Variants in ESR1 observed in about 807,000 individuals in gnomAD.
ESR1 encodes estrogen receptor.
Under a neutral mutation model 52.7 loss-of-function variants are expected in ESR1, and 12 were observed. That is an observed-to-expected ratio of 0.23 (90% confidence interval 0.15 to 0.37). The LOEUF is 0.37. ESR1 is among the 10% of genes least tolerant of loss of function. The pLI, the probability that ESR1 is intolerant of heterozygous loss-of-function variation, is 1.00. For missense variants in ESR1, 584 were observed against 779.7 expected (o/e 0.75, Z 2.99); for synonymous variants, 305 against 316.8 (o/e 0.96, Z 0.39).
At chr6:151,960,306 G>A (rs1211152773) in intron 4 of ESR1, among the ~76,000 whole-genome samples, 1 of 152,142 alleles carries the variant, frequency 6.6e-6, no homozygotes, top group Non-Finnish European at 1.5e-5. Context: ...CAAACATGGT[G>A]GACAACTTAA....
rs1326260684 is a variant in ESR1 at position 151,853,226 on chromosome 6, A to G, written c.643+10439A>G. Among the ~76,000 whole-genome samples, 3 of 151,532 alleles carry G rather than the reference A, an allele frequency of 2.0e-5. 1 individual carries two copies. In the South Asian group the frequency reaches 6.2e-4, roughly 32 times the overall value. ...GAAAGAAAGAAAGAAGGAAAAAGAA[A>G]GAAAGAGAAAGAAAGGCGGGCATTA... On this transcript the variant is annotated intron_variant, in intron 2 of 7. Coordinates refer to ENST00000206249, the MANE Select transcript of ESR1 (RefSeq NM_000125.4).
chr6:151,750,189 G>T (rs1175008621), intron 2 of ESR1, among the ~76,000 whole-genome samples: 1 of 152,130 alleles, frequency 6.6e-6, no homozygotes, highest in East Asian at 1.9e-4. Context: ...AAAAAATTCA[G>T]CTCTGGTTAT....
Position 151,923,187 on chromosome 6 carries a change from G to A in ESR1, c.761-20986G>A, listed in dbSNP as rs191422744. On this transcript the variant is annotated intron_variant, in intron 3 of 7. Coordinates refer to ENST00000206249, the MANE Select transcript of ESR1 (RefSeq NM_000125.4). ...CATTTTCCGAGTCACTTAGGTTAGC[G>A]CCTTATTTTCCTAAGTCCATTAGTG... 1.3e-4 allele frequency among the ~76,000 whole-genome samples: 20 copies of A among 152,166 alleles called. No homozygotes were observed. The East Asian group carries it at 2.1e-3, about 16-fold the overall frequency.
rs143983241 is a variant in ESR1 at position 151,711,602 on chromosome 6, T to C, written c.-71+9597T>C. Among the ~76,000 whole-genome samples, 487 of 152,344 alleles carry C rather than the reference T, an allele frequency of 3.2e-3. 2 individuals are homozygous for C. Among genetic ancestry groups the C allele is most frequent in the African/African-American group, 0.011 (461 of 41,584 alleles). ...GTGGTTTTGATTTGCATTTCTCTAATGACCAGTGATGATGAGCTTTTTTTC... is the reference window on the plus strand; with the variant it reads ...GTGGTTTTGATTTGCATTTCTCTAACGACCAGTGATGATGAGCTTTTTTTC... On this transcript the variant is annotated intron_variant, in intron 2 of 2. Coordinates refer to the ESR1 transcript ENST00000404742.
chr6:152,053,150 G>C lies in ESR1; in HGVS notation c.1236-7841G>C, dbSNP rs1391690600. On this transcript the variant is annotated intron_variant, in intron 5 of 7. Coordinates refer to ENST00000206249, the MANE Select transcript of ESR1 (RefSeq NM_000125.4). This position sits in a 1 kb window ranked among gnomAD's most constrained non-coding sequence, Gnocchi z 4.1. ...AGTTAGAAAAAGGTATTTCTCTCCTGTGATGATATTGATTCTGCACTCATC... is the reference window on the plus strand; with the variant it reads ...AGTTAGAAAAAGGTATTTCTCTCCTCTGATGATATTGATTCTGCACTCATC... 2.6e-5 allele frequency among the ~76,000 whole-genome samples: 4 copies of C among 152,086 alleles called. No individual in the cohort carries two copies. The highest frequency in any genetic ancestry group is 5.9e-5 in the Non-Finnish European group (4 of 68,010).
chr6:152,104,115 T>C (rs1391254601), downstream of ESR1, among the ~76,000 whole-genome samples: 2 of 151,036 alleles, frequency 1.3e-5, no homozygotes, highest in East Asian at 4.0e-4. Flanking sequence ...GGTTCGCTCA[T>C]GGAGAGTATG....
chr6:151,742,894 C>T (rs1783201406), intron 2 of ESR1, among the ~76,000 whole-genome samples: 1 of 152,174 alleles, frequency 6.6e-6, no homozygotes, highest in South Asian at 2.1e-4. Context: ...TTCTTTCCTT[C>T]AGGTCTCACA....
intron 6 of ESR1, among the ~76,000 whole-genome samples, chr6:152,071,414 T>G (rs2048342867): frequency 6.6e-6 from 1 of 152,148 alleles, no homozygotes; most frequent in South Asian, 2.1e-4. Context: ...CGAGGGACTT[T>G]GATTCCAAGA....
intron 4 of ESR1, among the ~76,000 whole-genome samples, chr6:151,971,556 C>T (rs1467309088): frequency 1.3e-5 from 2 of 152,124 alleles, no homozygotes; most frequent in Non-Finnish European, 2.9e-5. Flanking sequence ...CCTGAATGAT[C>T]ATTAAGTCAA....
At chr6:151,762,977 AT>A (rs1387078206) in intron 2 of ESR1, among the ~76,000 whole-genome samples, 1 of 151,816 alleles carries the variant, frequency 6.6e-6, no homozygotes, top group African/African-American at 2.4e-5. Flanking sequence ...TAGTTTAAAT[AT>A]TTTTAATATA....
At chr6:152,105,948 C>T (rs1283166390), downstream of ESR1, among the ~76,000 whole-genome samples, 11 of 149,396 alleles carry the variant, frequency 7.4e-5, no homozygotes, top group South Asian at 2.2e-4. Context: ...CCACCGCGCC[C>T]GGCTAATTTT....
At chr6:151,731,981 C>G (rs1268638163) in intron 2 of ESR1, among the ~76,000 whole-genome samples, 2 of 152,098 alleles carry the variant, frequency 1.3e-5, no homozygotes, top group African/African-American at 4.8e-5. Flanking sequence ...GAATTGGGAG[C>G]AATGAGAAAA....
chr6:151,720,151 A>C (rs541163828), intron 2 of ESR1, among the ~76,000 whole-genome samples: 3 of 152,200 alleles, frequency 2.0e-5, no homozygotes, highest in African/African-American at 7.2e-5. Flanking sequence ...CTAATATTCT[A>C]TATCTACCAT....
At chr6:152,008,086 A>G (rs1231051218) in intron 4 of ESR1, among the ~76,000 whole-genome samples, 1 of 152,104 alleles carries the variant, frequency 6.6e-6, no homozygotes, top group African/African-American at 2.4e-5. Flanking sequence ...AAGGCATCTC[A>G]TGGATATTTA....
At chr6:151,701,869 C>A (rs1397327781) in intron 1 of ESR1, 1 of 152,042 alleles carries the variant, frequency 6.6e-6, no homozygotes, top group African/African-American at 2.4e-5. Flanking sequence ...GTTAAAAAAA[C>A]AAAAGGAAGA....
chr6:151,662,542 C>T (rs960077495), intron 1 of ESR1, among the ~76,000 whole-genome samples: 47 of 152,106 alleles, frequency 3.1e-4, no homozygotes, highest in Admixed American at 1.0e-3. Flanking sequence ...CTGTACTGCC[C>T]GGGACTCCTG....
chr6:151,923,376 TG>T (rs1481483716), intron 3 of ESR1, among the ~76,000 whole-genome samples: 16 of 152,204 alleles, frequency 1.1e-4, no homozygotes, highest in African/African-American at 3.6e-4. Flanking sequence ...TTTAATGTAT[TG>T]TATCACCATT....
chr6:151,992,417 T>G (rs1404035213), intron 4 of ESR1, among the ~76,000 whole-genome samples: 1 of 152,216 alleles, frequency 6.6e-6, no homozygotes, highest in Non-Finnish European at 1.5e-5. Flanking sequence ...TTTTTCCTTT[T>G]GTGCCTGGCT....
chr6:151,934,045 A>G (rs980519752), intron 3 of ESR1, among the ~76,000 whole-genome samples: 3 of 152,152 alleles, frequency 2.0e-5, no homozygotes, highest in African/African-American at 4.8e-5. Flanking sequence ...GTATAATGCA[A>G]AGCTCTCACC....
Sources: allele counts gnomAD v4.1 joint callset (sites outside exome capture counted in the v4.1 genomes callset), GRCh38; gene constraint gnomAD v4.1.1; non-coding constraint Gnocchi (gnomAD v3.1); transcripts MANE v1.5; gene names NCBI Gene and HGNC (gene_info 2026-07-23, HGNC 2026-07-21).